MSR1: variants seen among roughly 807,000 people sequenced by gnomAD.
MSR1 encodes macrophage scavenger receptor types I and II.
A neutral mutation model predicts 47.2 loss-of-function variants in MSR1; 53 were observed. The ratio of observed to expected loss-of-function variants is 1.12; its 90% CI spans 0.90 to 1.41. The LOEUF is 1.41. Ranked by LOEUF, MSR1 falls within the 40% of genes most tolerant of loss-of-function variation. The pLI, the probability that MSR1 is intolerant of heterozygous loss-of-function variation, is 0.00. For missense variants in MSR1, 786 were observed against 546.9 expected (o/e 1.44, Z -4.36); for synonymous variants, 239 against 185.6 (o/e 1.29, Z -2.34).
intron 1 of MSR1, among the ~76,000 whole-genome samples, chr8:16,179,900 A>G (rs2117216225): frequency 6.9e-6 from 1 of 145,508 alleles, no homozygotes; most frequent in East Asian, 2.1e-4. Context: ...AAAAAAAAAA[A>G]AAAGTATTTA....
chr8:16,123,584 A>ATGTG (rs36022730), intron 8 of MSR1, among the ~76,000 whole-genome samples: 2 of 148,570 alleles, frequency 1.3e-5, no homozygotes, highest in Admixed American at 6.8e-5. Flanking sequence ...AGACATGTAT[A>ATGTG]TGTGTGTGTG....
At chr8:16,125,098 C>T (rs1800099503) in intron 8 of MSR1, among the ~76,000 whole-genome samples, 1 of 152,090 alleles carries the variant, frequency 6.6e-6, no homozygotes, top group African/African-American at 2.4e-5. Context: ...TGGTGGGAGG[C>T]TCTGATCAGA....
intron 1 of MSR1, among the ~76,000 whole-genome samples, chr8:16,188,522 C>G (rs1802067494): frequency 6.6e-6 from 1 of 151,828 alleles, no homozygotes; most frequent in Non-Finnish European, 1.5e-5. Context: ...TCTTTAGGTT[C>G]TGGGATACAC....
intron 9 of MSR1, among the ~76,000 whole-genome samples, chr8:16,115,873 A>C (rs111314477): frequency 3.3e-5 from 5 of 152,228 alleles, no homozygotes; most frequent in African/African-American, 1.2e-4. Flanking sequence ...TGTGGTCCCG[A>C]GAAACTCTGC....
chr8:16,143,385 A>G (rs1190156256), intron 8 of MSR1, among the ~76,000 whole-genome samples, 173 bp downstream of exon 8: 2 of 152,078 alleles, frequency 1.3e-5, no homozygotes, highest in Non-Finnish European at 2.9e-5. Context: ...AATATAATCT[A>G]TTTGTTTTAC....
chr8:16,140,042 C>G (rs1343634569), intron 8 of MSR1: 1 of 830,072 alleles, frequency 1.2e-6, no homozygotes, highest in African/African-American at 1.9e-5. Flanking sequence ...CTCTTATTAG[C>G]TGTTATGTCC....
chr8:16,154,757 T>A (rs1003322253), intron 6 of MSR1, among the ~76,000 whole-genome samples: 4 of 152,004 alleles, frequency 2.6e-5, no homozygotes, highest in African/African-American at 7.2e-5. Context: ...TTGCTGTCTA[T>A]TATATACATG....
chr8:16,153,648 C>G (rs1345485711), intron 6 of MSR1, among the ~76,000 whole-genome samples: 1 of 151,818 alleles, frequency 6.6e-6, no homozygotes, highest in Non-Finnish European at 1.5e-5. Context: ...CCTTCTATTT[C>G]ATACATTCAC....
chr8:16,111,425 G>A (rs1799753622), intron 9 of MSR1, among the ~76,000 whole-genome samples: 1 of 152,138 alleles, frequency 6.6e-6, no homozygotes, highest in African/African-American at 2.4e-5. Flanking sequence ...CCGGGCTACT[G>A]TGATGCTTTC....
In MSR1 at chr8:16,151,014, T is replaced by A. The variant is rs777779802; in HGVS notation, c.899-703A>T. On this transcript the variant is annotated intron_variant, in intron 6 of 9. Coordinates refer to ENST00000262101, the MANE Select transcript of MSR1 (RefSeq NM_138715.3). The stretch of plus-strand genomic sequence containing the variant: ...ATATTACTATGGTGATCATAACAAC[T>A]GTATATAAAAGAAAATGTTATATTC... Among the ~76,000 whole-genome samples, 14 of 152,086 alleles carry A rather than the reference T, an allele frequency of 9.2e-5. 1 individual carries two copies. The highest frequency in any genetic ancestry group is 1.8e-4 in the Non-Finnish European group (12 of 68,000).
At chr8:16,145,169 T>G (rs1800664450) in intron 7 of MSR1, among the ~76,000 whole-genome samples, 1 of 152,148 alleles carries the variant, frequency 6.6e-6, no homozygotes, top group Admixed American at 6.6e-5. Context: ...CTAATTGCTT[T>G]GCATAATGTG....
Position 16,139,759 on chromosome 8 carries a change from AAAAAAAAAAAAAAAAATATATATAT to A in MSR1, c.1033+3774_1033+3798del, listed in dbSNP as rs1234785898. 10 of 158,632 alleles carry A rather than the reference AAAAAAAAAAAAAAAAATATATATAT, an allele frequency of 6.3e-5. 1 individual carries two copies. The African/African-American group carries it at 7.3e-4, about 12-fold the overall frequency. 9.8% of individuals were successfully genotyped at this position (158,632 alleles called of 1,614,324 possible). On this transcript the variant is annotated intron_variant, in intron 8 of 9. Coordinates refer to ENST00000262101, the MANE Select transcript of MSR1 (RefSeq NM_138715.3). Reference sequence around the variant, plus strand: ...ACACTTCAAAACTTAAAAAAAAAAAAAAAAAAAAAAAAAAAATATATATATATATATATATATATATATATATATA... The same window carrying A: ...ACACTTCAAAACTTAAAAAAAAAAAAATATATATATATATATATATATATA...
chr8:16,189,717 T>A (rs1802136779), intron 1 of MSR1, among the ~76,000 whole-genome samples: 1 of 75,206 alleles, frequency 1.3e-5, no homozygotes, highest in African/African-American at 5.2e-5. Flanking sequence ...AAAATCTTAT[T>A]TTATATATAT....
rs1300102806 is a variant in MSR1, at chr8:16,139,586, A to G, written c.1033+3972T>C. On this transcript the variant is annotated intron_variant, in intron 8 of 9. Coordinates refer to ENST00000262101, the MANE Select transcript of MSR1 (RefSeq NM_138715.3). ...TCAGTAGAGAGAAACCAAAAATATA[A>G]CATGTAATCCCATAAGAGATTTTTA... 2.1e-5 allele frequency: 20 copies of G among 973,398 alleles called. No individual in the cohort carries two copies. The Admixed American group carries it at 1.2e-3, about 57-fold the overall frequency. 60.3% of individuals were successfully genotyped at this position (973,398 alleles called of 1,614,324 possible).
At chr8:16,169,335 G>A (rs545377897) in intron 3 of MSR1, among the ~76,000 whole-genome samples, 1 of 152,292 alleles carries the variant, frequency 6.6e-6, no homozygotes, top group Non-Finnish European at 1.5e-5. Context: ...AAATAGTGGT[G>A]TCATGCATAA....
At chr8:16,164,748 G>A (rs1406748581) in intron 4 of MSR1, among the ~76,000 whole-genome samples, 1 of 151,930 alleles carries the variant, frequency 6.6e-6, no homozygotes, top group East Asian at 1.9e-4. Flanking sequence ...ATAAAACCTC[G>A]AACTCGCATA....
chr8:16,178,100 T>TTTA, intron 1 of MSR1, 108 bp from the exon 2 acceptor site: 9 of 847,478 alleles, frequency 1.1e-5, no homozygotes, highest in East Asian at 2.9e-5. Flanking sequence ...CTATTCAGTT[T>TTTA]TTCTTTTTTT....
At chr8:16,119,367 C>A (rs765237892) in intron 9 of MSR1, among the ~76,000 whole-genome samples, 1 of 151,688 alleles carries the variant, frequency 6.6e-6, no homozygotes, top group Non-Finnish European at 1.5e-5. Flanking sequence ...CTGGGATTAC[C>A]GGCGTGCACC....
At chr8:16,175,147 G>A (rs185209822) in intron 3 of MSR1, 40 bp downstream of exon 3, 139 of 1,517,238 alleles carry the variant, frequency 9.2e-5, no homozygotes, top group Non-Finnish European at 1.1e-4. Context: ...AATAATTCAC[G>A]GGACGAGTTA....
Sources: allele counts gnomAD v4.1 joint callset (sites outside exome capture counted in the v4.1 genomes callset), GRCh38; gene constraint gnomAD v4.1.1; transcripts MANE v1.5; gene names NCBI Gene and HGNC (gene_info 2026-07-23, HGNC 2026-07-21).